The following DGKH variants were observed in gnomAD, a reference collection of about 807,000 sequenced individuals.
DGKH encodes diacylglycerol kinase eta.
In DGKH, 90 loss-of-function variants were observed where a neutral mutation model predicts 159.3. The ratio of observed to expected loss-of-function variants is 0.57; its 90% confidence interval spans 0.48 to 0.67. The LOEUF (loss-of-function observed/expected upper bound fraction) is 0.67, where lower values mean the gene tolerates loss of function less well. DGKH is among the 30% of genes least tolerant of loss of function. The probability of loss-of-function intolerance (pLI) is 0.00; values close to 1 mark genes in which losing one functional copy is unlikely to be tolerated. For missense variants in DGKH, 1,181 were observed against 1,506.1 expected (o/e 0.78, Z 3.57); for synonymous variants, 536 against 553.8 (o/e 0.97, Z 0.45).
chr13:42,155,585 TA>T (rs1956023488), intron 4 of DGKH, 81 bp from the exon 5 acceptor site: 1 of 1,587,098 alleles, frequency 6.3e-7, no homozygotes, highest in Non-Finnish European at 8.6e-7. Context: ...AATTTGACCA[TA>T]ACTATATGCA....
intron 1 of DGKH, among the ~76,000 whole-genome samples, chr13:42,124,743 G>T (rs1396231932): frequency 1.3e-5 from 2 of 152,166 alleles, no homozygotes; most frequent in East Asian, 1.9e-4. Flanking sequence ...TATAAAAAAT[G>T]AGTTGCAATT....
chr13:42,178,765 T>A (rs1281626455), intron 13 of DGKH, among the ~76,000 whole-genome samples: 2 of 152,220 alleles, frequency 1.3e-5, no homozygotes, highest in Non-Finnish European at 2.9e-5. Flanking sequence ...GGCTGGAATT[T>A]AGAATTTAGT....
chr13:42,112,780 C>T (rs1008489874), intron 1 of DGKH, among the ~76,000 whole-genome samples: 17 of 152,216 alleles, frequency 1.1e-4, no homozygotes, highest in Non-Finnish European at 1.9e-4. Flanking sequence ...TCCCCTTGTT[C>T]CCGCTGTAGT....
chr13:42,063,077 T>G (rs191487723), intron 1 of DGKH, among the ~76,000 whole-genome samples: 127 of 152,328 alleles, frequency 8.3e-4, no homozygotes, highest in African/African-American at 3.0e-3. Context: ...AAAAGCTGTG[T>G]GTATTTTAGG....
chr13:42,059,394 T>C (rs1006453253), intron 1 of DGKH, among the ~76,000 whole-genome samples: 2 of 151,970 alleles, frequency 1.3e-5, no homozygotes, highest in South Asian at 4.2e-4. Context: ...GGATTACAGG[T>C]GCGTGCCACT....
At chr13:42,251,392 A>G (rs940085079) in intron 29 of DGKH, among the ~76,000 whole-genome samples, 4 of 152,126 alleles carry the variant, frequency 2.6e-5, no homozygotes, top group Admixed American at 2.0e-4. Context: ...GGGAGGATCA[A>G]TTGAGTCCCT....
downstream of DGKH, among the ~76,000 whole-genome samples, chr13:42,246,731 C>G (rs9525598): frequency 0.06 from 9,173 of 152,240 alleles, 354 homozygotes; most frequent in Admixed American, 0.08. Context: ...CTCTCCCACG[C>G]AGGCCTCCCG....
chr13:42,127,261 G>A (rs1955188602), intron 1 of DGKH, among the ~76,000 whole-genome samples: 2 of 152,278 alleles, frequency 1.3e-5, no homozygotes, highest in South Asian at 2.1e-4. Context: ...CTTTGAGGGC[G>A]GAGAACCATG....
Position 42,190,466 on chromosome 13 carries a change from C to A in DGKH, c.1976C>A (p.Thr659Lys). 1 of 1,611,662 alleles carries A rather than the reference C, an allele frequency of 6.2e-7. No individual in the cohort carries two copies. The highest frequency in any genetic ancestry group is 1.1e-5 in the South Asian group (1 of 90,550). ...PANQSSDYDSTETDESKEEAK... is the reference protein window; with the variant it reads ...PANQSSDYDSKETDESKEEAK... ...AATCAGTCCTCTGATTATGACAGCACAGAAACAGATGAATCTAAGGAGGAA... is the reference window on the plus strand; with the variant it reads ...AATCAGTCCTCTGATTATGACAGCAAAGAAACAGATGAATCTAAGGAGGAA... Residue 659 changes from threonine to lysine, a missense_variant, in exon 16 of 30, where the codon ACA becomes AAA. By Grantham distance (78) the Thr-to-Lys change is moderately conservative. This residue lies in a region of DGKH where 257 missense variants were observed against 281.5 expected (regional missense o/e 0.91). Transcript: ENST00000337343.
At chr13:42,207,054 TTTCC>T (rs760124206) in intron 21 of DGKH, among the ~76,000 whole-genome samples, 4,121 of 66,506 alleles carry the variant, frequency 0.062, 696 homozygotes, top group Middle Eastern at 0.091. Context: ...TCTTTCCTTC[TTTCC>T]TTCCTTCTTT....
chr13:42,252,505 G>A (rs9566950), intron 30 of DGKH: 4 of 152,146 alleles, frequency 2.6e-5, no homozygotes, highest in Non-Finnish European at 5.9e-5. Flanking sequence ...GACTCCACAC[G>A]GCCTATATCC....
chr13:42,111,089 A>T (rs1344475739), intron 1 of DGKH, among the ~76,000 whole-genome samples: 2 of 152,242 alleles, frequency 1.3e-5, no homozygotes, highest in African/African-American at 2.4e-5. Flanking sequence ...TACATTCAGA[A>T]ACTGCTCTAA....
At position 42,235,175 on chromosome 13, in the gene DGKH, C is replaced by T. The variant is rs1041166906; in HGVS notation, c.*5987C>T. ...GTTAAACTCTGTTCATGATAAACTC[C>T]ATATTACATAATATAGGTGAACAGA... On this transcript the variant is annotated 3_prime_UTR_variant, in exon 30 of 30. Transcript: ENST00000337343. 2 of 152,144 alleles carry T rather than the reference C, an allele frequency of 1.3e-5. No homozygotes were observed. The highest frequency in any genetic ancestry group is 4.8e-5 in the African/African-American group (2 of 41,456). 9.4% of individuals were successfully genotyped at this position (152,144 alleles called of 1,614,324 possible). A position where few individuals can be genotyped will look rare whatever the true frequency, so the allele number is the denominator to read the frequency against.
chr13:42,133,956 C>T (rs535028514), intron 3 of DGKH, among the ~76,000 whole-genome samples: 1 of 152,246 alleles, frequency 6.6e-6, no homozygotes, highest in East Asian at 1.9e-4. Flanking sequence ...GTGTCAGAGG[C>T]TAATGGTGCA....
intron 23 of DGKH, 116 bp from the exon 24 acceptor site, chr13:42,210,486 G>T: frequency 1.0e-6 from 1 of 990,172 alleles, no homozygotes; most frequent in Non-Finnish European, 1.5e-6. Flanking sequence ...TTTTATACTT[G>T]TGATTTATTT....
At chr13:42,195,367 T>C (rs1468607927) in intron 17 of DGKH, among the ~76,000 whole-genome samples, 1 of 152,048 alleles carries the variant, frequency 6.6e-6, no homozygotes, top group Admixed American at 6.5e-5. Flanking sequence ...CTAAGTGTAG[T>C]GGTACACCCC....
At chr13:42,091,488 A>T (rs1453606388) in intron 1 of DGKH, among the ~76,000 whole-genome samples, 2 of 152,238 alleles carry the variant, frequency 1.3e-5, no homozygotes, top group Non-Finnish European at 2.9e-5. Context: ...CCAATTAAAA[A>T]AATGGGCAAA....
At chr13:42,188,532 C>G (rs771210979) in intron 14 of DGKH, among the ~76,000 whole-genome samples, 1 of 152,136 alleles carries the variant, frequency 6.6e-6, no homozygotes, top group South Asian at 2.1e-4. Flanking sequence ...TTATGACGCT[C>G]AAAATGGTGC....
intron 26 of DGKH, among the ~76,000 whole-genome samples, chr13:42,218,007 C>T (rs961424071): frequency 2.0e-5 from 3 of 152,200 alleles, no homozygotes; most frequent in Non-Finnish European, 4.4e-5. Flanking sequence ...GCACTTCCAG[C>T]CTGGGCAACA....
Sources: gnomAD v4.1 joint callset for allele counts (sites outside exome capture counted in the v4.1 genomes callset) on GRCh38, gnomAD v4.1.1 for gene constraint, gnomAD v4.1.1 regional missense constraint, MANE v1.5 for transcripts, NCBI Gene and HGNC (gene_info 2026-07-23, HGNC 2026-07-21) for gene names.